The following HDX variants were observed in gnomAD, a reference collection of about 807,000 sequenced individuals.
HDX encodes highly divergent homeobox, also known as chromosome X open reading frame 43.
Under a neutral mutation model 45.2 loss-of-function variants are expected in HDX, and 19 were observed. The observed-to-expected ratio is 0.42, with a 90% CI of 0.29 to 0.62. HDX has a LOEUF of 0.62. HDX is among the 20% of genes least tolerant of loss of function. The pLI, the probability that HDX is intolerant of heterozygous loss-of-function variation, is 0.20. For missense variants in HDX, 532 were observed against 493.9 expected (o/e 1.08, Z -0.73); for synonymous variants, 188 against 172.8 (o/e 1.09, Z -0.69).
At chrX:84,356,834 G>A (rs2037498998) in intron 6 of HDX, among the ~76,000 whole-genome samples, 1 of 110,413 alleles carries the variant, frequency 9.1e-6, no homozygotes, top group African/African-American at 3.3e-5. Flanking sequence ...ATGTTAGCTA[G>A]GATGGTCTCG....
chrX:84,499,557 C>T (rs1036540360), intron 1 of HDX, among the ~76,000 whole-genome samples: 1 of 111,476 alleles, frequency 9.0e-6, no homozygotes, highest in African/African-American at 3.3e-5. Flanking sequence ...GAGAAAAGGT[C>T]AAAGGATTTT....
intron 2 of HDX, among the ~76,000 whole-genome samples, chrX:84,482,824 G>A (rs752216713): frequency 5.4e-5 from 6 of 111,691 alleles, no homozygotes; most frequent in South Asian, 3.8e-4. Flanking sequence ...AAGGCAAGTC[G>A]CTTCCGCCTA....
At chrX:84,427,495 G>C (rs147413267) in intron 5 of HDX, among the ~76,000 whole-genome samples, 1 of 110,541 alleles carries the variant, frequency 9.0e-6, no homozygotes, top group Non-Finnish European at 1.9e-5. Context: ...ACCAGTCAAT[G>C]AATGATTATG....
At chrX:84,493,660 G>A (rs1212047054) in intron 1 of HDX, among the ~76,000 whole-genome samples, 1 of 111,687 alleles carries the variant, frequency 9.0e-6, no homozygotes, top group Admixed American at 9.5e-5. Context: ...TTTAATCAAT[G>A]ATAAAAATGT....
chrX:84,372,872 T>G (rs1448920449), intron 5 of HDX, among the ~76,000 whole-genome samples: 2 of 111,235 alleles, frequency 1.8e-5, no homozygotes, highest in East Asian at 5.6e-4. Flanking sequence ...AGCAGAAAAT[T>G]ATCCTGCCAT....
At chrX:84,356,855 C>T (rs2037499477) in intron 6 of HDX, among the ~76,000 whole-genome samples, 1 of 110,582 alleles carries the variant, frequency 9.0e-6, no homozygotes, top group Non-Finnish European at 1.9e-5. Context: ...ATCTCCTGAC[C>T]TGTGATCCGC....
At chrX:84,463,704 A>G (rs1186385870) in intron 4 of HDX, among the ~76,000 whole-genome samples, 1 of 110,847 alleles carries the variant, frequency 9.0e-6, no homozygotes, top group African/African-American at 3.3e-5. Context: ...TGTGACAAGC[A>G]GGCAGTTTGA....
intron 5 of HDX, among the ~76,000 whole-genome samples, chrX:84,371,938 GT>G (rs2037906644): frequency 8.9e-6 from 1 of 111,988 alleles, no homozygotes; most frequent in East Asian, 2.8e-4. Flanking sequence ...TTAGGCACCA[GT>G]TATATGTCTC....
At chrX:84,326,728 A>T (rs566920400) in intron 9 of HDX, among the ~76,000 whole-genome samples, 225 of 110,463 alleles carry the variant, frequency 2.0e-3, no homozygotes, top group South Asian at 0.013. Flanking sequence ...CCTGGCCAAC[A>T]TGGTGAAACC....
In HDX at chrX:84,469,368, T is replaced by C. The variant is rs1366786630; in HGVS notation, c.355A>G (p.Arg119Gly). ...GIYSPASSSS[R>G]QGTNKHTDTQ... ...TCTGTATGTTTGTTTGTTCCTTGCC[T>C]ACTTGATGAACTGGCTGGACTGTAT... is the stretch of plus-strand genomic sequence containing the variant. The change falls in exon 4 of 11, where the codon AGG becomes GGG. Residue 119 changes from arginine to glycine, a missense_variant. Physicochemically the swap from Arg to Gly is moderately radical, Grantham distance 125. Around this residue, in one of 3 missense-constraint regions of HDX, gnomAD observed 376 missense variants for 343.7 expected, o/e 1.09. Transcript: ENST00000373177. 8 of 1,208,505 alleles carry C rather than the reference T, an allele frequency of 6.6e-6. No individual in the cohort carries two copies. The highest frequency in any genetic ancestry group is 8.9e-6 in the Non-Finnish European group (8 of 894,379).
At chrX:84,331,289 T>C (rs927862147) in intron 9 of HDX, among the ~76,000 whole-genome samples, 6 of 111,803 alleles carry the variant, frequency 5.4e-5, no homozygotes, top group Non-Finnish European at 9.4e-5. Context: ...GGTTGCATAG[T>C]AATAATTATC....
intron 4 of HDX, among the ~76,000 whole-genome samples, chrX:84,452,326 C>T (rs770750195): frequency 4.4e-4 from 49 of 110,277 alleles, no homozygotes; most frequent in African/African-American, 1.5e-3. Flanking sequence ...GACAGAAAAT[C>T]AACATATTAT....
At chrX:84,383,521 A>C (rs1467117890) in intron 5 of HDX, among the ~76,000 whole-genome samples, 1 of 111,729 alleles carries the variant, frequency 9.0e-6, no homozygotes, top group Non-Finnish European at 1.9e-5. Context: ...AGTACTAAAA[A>C]TGTTAAAAGT....
intron 3 of HDX, among the ~76,000 whole-genome samples, chrX:84,470,011 A>G (rs752155475): frequency 2.7e-5 from 3 of 112,193 alleles, no homozygotes; most frequent in Non-Finnish European, 5.6e-5. Context: ...ATTTAATGGC[A>G]TTAAGAAATG....
At chrX:84,394,052 T>C (rs765771057) in intron 5 of HDX, among the ~76,000 whole-genome samples, 1 of 111,224 alleles carries the variant, frequency 9.0e-6, no homozygotes, top group Admixed American at 9.6e-5. Context: ...TTGATTTTGA[T>C]TTTTTTCTTG....
At chrX:84,399,253 C>T (rs1478706730) in intron 5 of HDX, among the ~76,000 whole-genome samples, 1 of 108,476 alleles carries the variant, frequency 9.2e-6, no homozygotes, top group Non-Finnish European at 1.9e-5. Context: ...CACAAACCCC[C>T]CCCCAAAAAA....
intron 2 of HDX, among the ~76,000 whole-genome samples, chrX:84,483,591 C>T (rs1236980956): frequency 1.8e-5 from 2 of 112,087 alleles, no homozygotes; most frequent in African/African-American, 3.2e-5. Context: ...CTTTGTAGGC[C>T]TCTGCACCTC....
chrX:84,364,269 T>G (rs1262359370), intron 5 of HDX, among the ~76,000 whole-genome samples: 1 of 110,249 alleles, frequency 9.1e-6, no homozygotes, highest in Non-Finnish European at 1.9e-5. Context: ...AGTGTTGAAT[T>G]AGTGCCAAAC....
At chrX:84,494,134 T>C (rs7890462) in intron 1 of HDX, among the ~76,000 whole-genome samples, 44,736 of 111,149 alleles carry the variant, frequency 0.4, 7,859 homozygotes, top group African/African-American at 0.69. Flanking sequence ...TGTTTTTATG[T>C]AATCCCACAT....
Sources: gnomAD v4.1 joint callset for allele counts (sites outside exome capture counted in the v4.1 genomes callset) on GRCh38, gnomAD v4.1.1 for gene constraint, gnomAD v4.1.1 regional missense constraint, MANE v1.5 for transcripts, NCBI Gene and HGNC (gene_info 2026-07-23, HGNC 2026-07-21) for gene names.